C5: variants seen among roughly 807,000 people sequenced by gnomAD.
C5 encodes complement C5, also known as C3 and PZP-like alpha-2-macroglobulin domain-containing protein 4.
A neutral mutation model predicts 218.8 loss-of-function variants in C5; 140 were observed. That is an observed-to-expected ratio of 0.64 (90% CI 0.56 to 0.74). The LOEUF (loss-of-function observed/expected upper bound fraction) is 0.74. Among genes scored for constraint, C5 ranks in the 30% least tolerant of loss-of-function variants. The probability of loss-of-function intolerance (pLI) is 0.00; values close to 1 mark genes in which losing one functional copy is unlikely to be tolerated. For synonymous variants in C5, 614 were observed against 682.3 expected, an observed-to-expected ratio of 0.90 and a Z score of 1.56; for missense variants, 1,700 against 1,969.6, an observed-to-expected ratio of 0.86 and a Z score of 2.59.
At chr9:121,071,977 G>C in the C5 span, among the ~76,000 whole-genome samples, 1 of 152,166 alleles carries the variant, frequency 6.6e-6, no homozygotes, top group African/African-American at 2.4e-5. Flanking sequence ...TGTGGAACGC[G>C]AGTTGTCTGC....
chr9:120,969,188 G>A (rs2046891997), intron 32 of C5, 70 bp from the exon 33 acceptor site: 2 of 1,220,122 alleles, frequency 1.6e-6, no homozygotes, highest in Non-Finnish European at 2.4e-6. Context: ...TTTGGAACCT[G>A]TCAGAACAGA....
At chr9:120,989,827 C>A in intron 23 of C5, 47 bp from the exon 24 acceptor site, 2 of 1,426,980 alleles carry the variant, frequency 1.4e-6, no homozygotes, top group Non-Finnish European at 2.0e-6. Flanking sequence ...TTATTAACTT[C>A]TAACAGTATG....
At chr9:120,982,421 A>AC (rs1453193418) in intron 26 of C5, among the ~76,000 whole-genome samples, 8 of 151,666 alleles carry the variant, frequency 5.3e-5, no homozygotes, top group Admixed American at 3.3e-4. Context: ...ATCTACCTCC[A>AC]CCCCGTTAAA....
At chr9:121,066,862 GAAA>G in the C5 span, among the ~76,000 whole-genome samples, 1 of 134,986 alleles carries the variant, frequency 7.4e-6, no homozygotes, top group East Asian at 2.1e-4. Flanking sequence ...CTCAAAAAAA[GAAA>G]AAAAAAAAAA....
At chr9:121,005,471 G>A (rs1000389290) in intron 20 of C5, among the ~76,000 whole-genome samples, 3 of 152,194 alleles carry the variant, frequency 2.0e-5, no homozygotes, top group African/African-American at 7.2e-5. Context: ...AGGACAGGAA[G>A]GAGGTTGTCA....
At chr9:121,074,291 T>G in the C5 span, among the ~76,000 whole-genome samples, 2 of 152,174 alleles carry the variant, frequency 1.3e-5, no homozygotes, top group African/African-American at 4.8e-5. Flanking sequence ...AAATATCTGT[T>G]GAATGCATGT....
intron 17 of C5, 112 bp from the exon 18 acceptor site, chr9:121,008,610 T>G: frequency 1.2e-6 from 1 of 812,340 alleles, no homozygotes. Context: ...GAAAGGTAAA[T>G]AAAACATTTT....
intron 1 of C5, among the ~76,000 whole-genome samples, chr9:121,048,469 C>T (rs1360615332): frequency 6.6e-6 from 1 of 152,184 alleles, no homozygotes; most frequent in Non-Finnish European, 1.5e-5. Flanking sequence ...GAATATAATG[C>T]CTGATGATCT....
chr9:120,981,335 T>G (rs1297838076), intron 27 of C5, among the ~76,000 whole-genome samples: 1 of 152,254 alleles, frequency 6.6e-6, no homozygotes, highest in Non-Finnish European at 1.5e-5. Flanking sequence ...AAATCTTCTA[T>G]GTTGATTTAC....
At chr9:121,062,049 T>G in the C5 span, among the ~76,000 whole-genome samples, 1 of 148,848 alleles carries the variant, frequency 6.7e-6, no homozygotes, top group African/African-American at 2.6e-5. Context: ...CTCCTTGTTT[T>G]TTTGTTGTTG....
At chr9:121,022,394 T>C (rs1201032593) in intron 10 of C5, among the ~76,000 whole-genome samples, 1 of 149,338 alleles carries the variant, frequency 6.7e-6, no homozygotes, top group Non-Finnish European at 1.5e-5. Flanking sequence ...CTATATAATA[T>C]TGCTATATTT....
intron 37 of C5, 59 bp from the exon 38 acceptor site, chr9:120,960,396 C>T (rs920323625): frequency 4.6e-5 from 52 of 1,122,876 alleles, no homozygotes; most frequent in Non-Finnish European, 6.9e-5. Context: ...ACACTCTTTC[C>T]AGGAGTAAAC....
chr9:121,043,929 T>A (rs12001265), intron 2 of C5, among the ~76,000 whole-genome samples: 215 of 152,254 alleles, frequency 1.4e-3, no homozygotes, highest in African/African-American at 5.1e-3. Flanking sequence ...AATTTATGTT[T>A]GTAATTATCC....
Position 120,975,917 on chromosome 9 carries a change from A to G in C5, c.3864+783T>C, listed in dbSNP as rs41311943. 4.8e-3 allele frequency among the ~76,000 whole-genome samples: 737 copies of G among 152,344 alleles called. 4 individuals are homozygous for G. The highest frequency in any genetic ancestry group is 0.017 in the African/African-American group (707 of 41,578). ...TTTCTGGACCTCATCTTTCTCATCT[A>G]TAAAACTGAGAAACATGACTAGATC... On this transcript the variant is annotated intron_variant, in intron 29 of 40. Coordinates refer to ENST00000223642, the MANE Select transcript of C5 (RefSeq NM_001735.3).
intron 7 of C5, among the ~76,000 whole-genome samples, chr9:121,029,823 T>A (rs2047458496): frequency 6.6e-6 from 1 of 152,190 alleles, no homozygotes; most frequent in Non-Finnish European, 1.5e-5. Flanking sequence ...TGCTACAAGC[T>A]AGCCTGCTGG....
the C5 span, among the ~76,000 whole-genome samples, chr9:121,068,132 T>G: frequency 6.6e-6 from 1 of 152,024 alleles, no homozygotes; most frequent in Non-Finnish European, 1.5e-5. Flanking sequence ...AACTAGCAAG[T>G]GCAATTAGAT....
intron 33 of C5, among the ~76,000 whole-genome samples, chr9:120,965,225 A>T (rs1318686278): frequency 6.6e-6 from 1 of 152,144 alleles, no homozygotes; most frequent in East Asian, 1.9e-4. Context: ...CTCATAGAGC[A>T]TATATAATGC....
chr9:120,965,916 C>T (rs1034069717), intron 33 of C5, among the ~76,000 whole-genome samples: 2 of 152,256 alleles, frequency 1.3e-5, no homozygotes, highest in African/African-American at 4.8e-5. Context: ...TTGCCTGCTG[C>T]CAAAACCAGC....
rs200060250 is a variant in C5, at chr9:121,023,503, C to T, written c.1017G>A (p.Glu339=). The part of the protein sequence containing the change: ...VIESTGGFSE[E]AEIPGIKYVL... ...CATATTTGATGCCAGGTATTTCTGCCTCTTCAGAAAATCCACCTAAGGAAA... is the reference window on the plus strand; with the variant it reads ...CATATTTGATGCCAGGTATTTCTGCTTCTTCAGAAAATCCACCTAAGGAAA... The change falls in exon 10 of 41, where the codon GAG becomes GAA. Residue 339 remains glutamate, a synonymous_variant. Transcript: ENST00000223642. 4 of 1,611,588 alleles carry T rather than the reference C, an allele frequency of 2.5e-6. No individual in the cohort carries two copies. The Admixed American group carries it at 5.0e-5, about 20-fold the overall frequency.
Sources: allele counts gnomAD v4.1 joint callset (sites outside exome capture counted in the v4.1 genomes callset), GRCh38; gene constraint gnomAD v4.1.1; transcripts MANE v1.5; gene names NCBI Gene and HGNC (gene_info 2026-07-23, HGNC 2026-07-21).